The following EARS2 variants were observed in gnomAD, a reference collection of about 807,000 sequenced individuals.
EARS2 encodes the protein nondiscriminating glutamyl-tRNA synthetase EARS2, mitochondrial.
EARS2 carries 50 observed loss-of-function variants against 54.1 expected under a neutral mutation model. That is an observed-to-expected ratio of 0.92 (90% confidence interval 0.74 to 1.17). EARS2 has a LOEUF of 1.17. Ranked by LOEUF, EARS2 falls within the 50% of genes most tolerant of loss-of-function variation. The pLI is 0.00. For missense variants in EARS2, 673 were observed against 675.0 expected, an observed-to-expected ratio of 1.00 and a Z score of 0.03; for synonymous variants, 298 against 281.0, an observed-to-expected ratio of 1.06 and a Z score of -0.61.
Position 23,530,043 on chromosome 16 carries a change from G to A in EARS2, c.1068-146C>T, listed in dbSNP as rs972800964. On this transcript the variant is annotated intron_variant, in intron 5 of 8. Transcript: ENST00000449606. Reference sequence around the variant, plus strand: ...TCGCAAGCTAGAAGAATCTCTTCACGTTTATAAAAAGAAAGGGATGTGACT... The same window carrying A: ...TCGCAAGCTAGAAGAATCTCTTCACATTTATAAAAAGAAAGGGATGTGACT... 108 of 999,094 alleles carry A rather than the reference G, an allele frequency of 1.1e-4. 1 individual carries two copies. In the African/African-American group the frequency reaches 1.4e-3, roughly 13 times the overall value. 61.9% of individuals were successfully genotyped at this position (999,094 alleles called of 1,614,324 possible).
At position 23,522,131 on chromosome 16, in the gene EARS2, T is replaced by C. The variant is rs1965149831; in HGVS notation, c.*2240A>G. 4.0e-6 allele frequency: 1 copy of C among 250,456 alleles called. No individual in the cohort carries two copies. The highest frequency in any genetic ancestry group is 4.5e-5 in the South Asian group (1 of 22,432). The allele number at this position is 250,456 out of a possible 1,614,324, so 15.5% of individuals were successfully genotyped here. On this transcript the variant is annotated 3_prime_UTR_variant, in exon 9 of 9. Transcript: ENST00000449606. ...GCACAATAAATTACAAGTATTATTATTGTCCCCTTCTGTGGTCAACCACCT... is the reference window on the plus strand; with the variant it reads ...GCACAATAAATTACAAGTATTATTACTGTCCCCTTCTGTGGTCAACCACCT...
intron 2 of EARS2, among the ~76,000 whole-genome samples, chr16:23,551,407 G>A (rs1965691941): frequency 6.6e-6 from 1 of 152,116 alleles, no homozygotes; most frequent in Admixed American, 6.6e-5. Flanking sequence ...CTTGAGCCCA[G>A]GAGTTTGAGA....
chr16:23,541,051 A>C lies in EARS2; in HGVS notation c.485+3463T>G, dbSNP rs1227161932. On this transcript the variant is annotated intron_variant, in intron 3 of 8. Coordinates refer to ENST00000449606, the MANE Select transcript of EARS2 (RefSeq NM_001083614.2). Reference sequence around the variant, plus strand: ...TTATTAAGGCCGAGTGTCGTAGCTCATGCCTGTAATCCCAGCACTTTGGGA... The same window carrying C: ...TTATTAAGGCCGAGTGTCGTAGCTCCTGCCTGTAATCCCAGCACTTTGGGA... 6.6e-5 allele frequency among the ~76,000 whole-genome samples: 10 copies of C among 152,124 alleles called. No individual in the cohort carries two copies. In the South Asian group the frequency reaches 2.1e-3, roughly 32 times the overall value.
In EARS2 at chr16:23,522,817, T is replaced by C. The variant is rs374070013; in HGVS notation, c.*1554A>G. ...AGTGGTTCTGGCTTAGGGTCTCCCA[T>C]AGAGGTCACAAGCGAGATCAGCTAG... On this transcript the variant is annotated 3_prime_UTR_variant, in exon 9 of 9. Transcript: ENST00000449606. 1.3e-5 allele frequency: 2 copies of C among 152,330 alleles called. No individual in the cohort carries two copies. The highest frequency in any genetic ancestry group is 2.1e-4 in the South Asian group (1 of 4,818). The allele number at this position is 152,330 out of a possible 1,614,324, so 9.4% of individuals were successfully genotyped here.
rs1965137866 is a variant in EARS2 at position 23,521,013 on chromosome 16, A to C, written c.*3358T>G. 6.6e-6 allele frequency among the ~76,000 whole-genome samples: 1 copy of C among 152,062 alleles called. No individual in the cohort carries two copies. The highest frequency in any genetic ancestry group is 2.4e-5 in the African/African-American group (1 of 41,400). ...CACCATGTTGGCCAGGCTGGTCTTG[A>C]ACTCCCGGCCTCAAGTGATCTGCCT... On this transcript the variant is annotated 3_prime_UTR_variant, in exon 9 of 9. Transcript: ENST00000449606.
At chr16:23,538,876 GCTAA>G (rs1965467618) in intron 3 of EARS2, among the ~76,000 whole-genome samples, 1 of 151,660 alleles carries the variant, frequency 6.6e-6, no homozygotes, top group African/African-American at 2.4e-5. Flanking sequence ...CCTAAGGGAA[GCTAA>G]CTGTCAGCTT....
In EARS2 at chr16:23,521,732, G is replaced by A. The variant is rs1965144429; in HGVS notation, c.*2639C>T. ...CATGAAGTCCTAGAGGTTCATCCAT[G>A]TTGTAGATATACCAGAATCGACTTA... On this transcript the variant is annotated 3_prime_UTR_variant, in exon 9 of 9. Transcript: ENST00000449606. 4.4e-6 allele frequency: 2 copies of A among 452,466 alleles called. No individual in the cohort carries two copies. Among genetic ancestry groups the A allele is most frequent in the Non-Finnish European group, 8.9e-6 (2 of 225,830 alleles). 28.0% of individuals were successfully genotyped at this position (452,466 alleles called of 1,614,324 possible).
chr16:23,557,294 GCCGC>G lies in EARS2; in HGVS notation c.46_49del (p.Ala16ProfsTer6). ...GCGCCGTCCTACGGGGCGGCCAGAG[GCCGC>G]CGAAGGCCTCTCGCGCTGCAGCAGT... On this transcript the variant is annotated frameshift_variant, in exon 1 of 9. Transcript: ENST00000449606. LOFTEE classifies it high-confidence loss of function. 6.6e-7 allele frequency: 1 copy of G among 1,512,902 alleles called. No individual in the cohort carries two copies. The highest frequency in any genetic ancestry group is 1.4e-5 in the African/African-American group (1 of 71,980). The allele number at this position is 1,512,902 out of a possible 1,614,324, so 93.7% of individuals were successfully genotyped here.
In EARS2 at chr16:23,552,280, C is replaced by A. The variant is rs770862902; in HGVS notation, c.164G>T (p.Arg55Leu). Residue 55 changes from arginine to leucine, a missense_variant, in exon 2 of 9, where the codon CGC becomes CTC. By Grantham distance (102) the Arg-to-Leu change is moderately radical. Transcript: ENST00000449606. The part of the protein sequence containing the change: ...PTGFLHLGGL[R>L]TALYNYIFAK... Reference sequence around the variant, plus strand: ...AAAGATGTAGTTGTACAAGGCAGTGCGGAGGCCACCCAGGTGCAAGAAGCC... The same window carrying A: ...AAAGATGTAGTTGTACAAGGCAGTGAGGAGGCCACCCAGGTGCAAGAAGCC... The A allele has an allele frequency of 4.3e-6, 7 of 1,614,152 alleles. No individual in the cohort carries two copies. The South Asian group carries it at 4.4e-5, about 10-fold the overall frequency.
intron 7 of EARS2, among the ~76,000 whole-genome samples, chr16:23,528,760 G>A (rs556094869): frequency 1.3e-5 from 2 of 152,368 alleles, no homozygotes; most frequent in South Asian, 4.1e-4. Flanking sequence ...AATTAGTTGG[G>A]CGTGGTGGCT....
chr16:23,544,518 G>A lies in EARS2; in HGVS notation c.481C>T (p.Pro161Ser). ...GCAACAAGCTGAGGTTCTTACCGGG[G>A]CGTCTGGTGGTTCCGCAAGGCCTCC... ...KKEALRNHQTPRYDNRCRNMS... is the reference protein window; with the variant it reads ...KKEALRNHQTSRYDNRCRNMS... The change falls in exon 3 of 9, where the codon CCC (proline) becomes TCC (serine). Residue 161 changes from proline (P) to serine (S), a missense_variant. Physicochemically the swap from Pro to Ser is moderately conservative, Grantham distance 74. Transcript: ENST00000449606. 6.2e-7 allele frequency: 1 copy of A among 1,613,180 alleles called. No individual in the cohort carries two copies. The highest frequency in any genetic ancestry group is 8.5e-7 in the Non-Finnish European group (1 of 1,179,422).
At chr16:23,553,609 C>T (rs1011333071) in intron 1 of EARS2, among the ~76,000 whole-genome samples, 3 of 151,582 alleles carry the variant, frequency 2.0e-5, no homozygotes, top group South Asian at 4.2e-4. Context: ...AAAAAAAAAT[C>T]GGTGGGGCAT....
rs1238553497 is a variant in EARS2 at position 23,520,784 on chromosome 16, C to T, written c.*3587G>A. 1.3e-5 allele frequency among the ~76,000 whole-genome samples: 2 copies of T among 151,760 alleles called. No individual in the cohort carries two copies. Among genetic ancestry groups the T allele is most frequent in the Non-Finnish European group, 2.9e-5 (2 of 68,022 alleles). The stretch of plus-strand genomic sequence containing the variant: ...GAAGTAGCAACAGCTTTATTAATTT[C>T]GCTTTTTTATTAATTTCTTGTTGAG... On this transcript the variant is annotated 3_prime_UTR_variant, in exon 9 of 9. Transcript: ENST00000449606.
At chr16:23,557,159 C>T in intron 1 of EARS2, 46 bp downstream of exon 1, 2 of 1,500,786 alleles carry the variant, frequency 1.3e-6, no homozygotes, top group Middle Eastern at 1.8e-4. Flanking sequence ...GGGGCGGAGA[C>T]GGGACAGGGG....
chr16:23,552,418 G>A, intron 1 of EARS2, 114 bp from the exon 2 acceptor site: 1 of 1,219,454 alleles, frequency 8.2e-7, no homozygotes, highest in Non-Finnish European at 1.2e-6. Flanking sequence ...AGACCAGCAG[G>A]ACACATTGGC....
chr16:23,531,623 T>C (rs1172281046), intron 5 of EARS2, among the ~76,000 whole-genome samples: 5 of 152,108 alleles, frequency 3.3e-5, no homozygotes, highest in Admixed American at 3.3e-4. Flanking sequence ...CAGGGCAAAA[T>C]CATACAACTG....
In EARS2 at chr16:23,525,250, T is replaced by C; in HGVS notation, c.1482A>G (p.Gly494=). The change falls in exon 8 of 9, where the codon GGA becomes GGG. Residue 494 remains glycine (G), a synonymous_variant. Transcript: ENST00000449606. ...VMKLLRMALS[G]QQQGPPVAEM... ...ACCCGTGTCCCTGCCTCACCTGCTG[T>C]CCACTGAGGGCCATCCGAAGGAGTT... 2 of 1,614,156 alleles carry C rather than the reference T, an allele frequency of 1.2e-6. No homozygotes were observed. The highest frequency in any genetic ancestry group is 1.7e-6 in the Non-Finnish European group (2 of 1,180,030).
chr16:23,529,466 G>A lies in EARS2; in HGVS notation c.1352+36C>T, dbSNP rs756146515. 5 of 1,602,740 alleles carry A rather than the reference G, an allele frequency of 3.1e-6. No individual in the cohort carries two copies. The East Asian group carries it at 1.1e-4, about 36-fold the overall frequency. On this transcript the variant is annotated intron_variant, in intron 7 of 8. Coordinates refer to ENST00000449606, the MANE Select transcript of EARS2 (RefSeq NM_001083614.2). ...CCATGGGACAGAGAGAGGGAAGGAGGGTGTGGAACCCTGAGCTCAGCCTGC... is the reference window on the plus strand; with the variant it reads ...CCATGGGACAGAGAGAGGGAAGGAGAGTGTGGAACCCTGAGCTCAGCCTGC...
chr16:23,544,727 G>T, intron 2 of EARS2, 24 bp from the exon 3 acceptor site: 1 of 1,577,494 alleles, frequency 6.3e-7, no homozygotes. Flanking sequence ...AATAATGACA[G>T]CTAAGGTGCA....
Sources: allele counts gnomAD v4.1 joint callset (sites outside exome capture counted in the v4.1 genomes callset), GRCh38; gene constraint gnomAD v4.1.1; transcripts MANE v1.5; gene names NCBI Gene and HGNC (gene_info 2026-07-23, HGNC 2026-07-21).